The following DIAPH3 variants were observed in gnomAD, a reference collection of about 807,000 sequenced individuals.
DIAPH3 encodes diaphanous related formin 3, also known as protein diaphanous homolog 3.
DIAPH3 carries 117 observed loss-of-function variants against 144.3 expected under a neutral mutation model. The ratio of observed to expected loss-of-function variants is 0.81; its 90% CI spans 0.70 to 0.95. DIAPH3 has a LOEUF of 0.95. DIAPH3 is among the 40% of genes least tolerant of loss of function. DIAPH3 has a pLI of 0.00. For synonymous variants in DIAPH3, 519 were observed against 488.9 expected, an observed-to-expected ratio of 1.06 and a Z score of -0.81; for missense variants, 1,421 against 1,412.7, an observed-to-expected ratio of 1.01 and a Z score of -0.09.
At chr13:60,078,873 T>C (rs1207526814) in intron 4 of DIAPH3, among the ~76,000 whole-genome samples, 1 of 151,980 alleles carries the variant, frequency 6.6e-6, no homozygotes, top group East Asian at 1.9e-4. Context: ...AGACCTAAAA[T>C]ACAGGTGTTA....
intron 27 of DIAPH3, among the ~76,000 whole-genome samples, chr13:59,690,867 C>A (rs2033479991): frequency 6.6e-6 from 1 of 152,110 alleles, no homozygotes; most frequent in South Asian, 2.1e-4. Context: ...GCACTCATAT[C>A]TATCAGAGAG....
chr13:59,717,523 C>T (rs912035163), intron 27 of DIAPH3, among the ~76,000 whole-genome samples: 1 of 152,172 alleles, frequency 6.6e-6, no homozygotes, highest in African/African-American at 2.4e-5. Flanking sequence ...ACAGTCTGAC[C>T]ACTCACTCAG....
chr13:59,979,137 T>C (rs944734374), intron 14 of DIAPH3, among the ~76,000 whole-genome samples: 1 of 151,708 alleles, frequency 6.6e-6, no homozygotes, highest in African/African-American at 2.4e-5. Flanking sequence ...ACACATATAA[T>C]TTCTGACTAA....
At chr13:60,123,303 A>G (rs959611111) in intron 2 of DIAPH3, among the ~76,000 whole-genome samples, 1 of 152,146 alleles carries the variant, frequency 6.6e-6, no homozygotes, top group Non-Finnish European at 1.5e-5. Flanking sequence ...GACGACAGAG[A>G]CCTTCTTTTT....
rs533438401 is a variant in DIAPH3, at chr13:60,152,903, T to C, written c.180+10684A>G. Among the ~76,000 whole-genome samples, 4 of 152,174 alleles carry C rather than the reference T, an allele frequency of 2.6e-5. No individual in the cohort carries two copies. In the South Asian group the frequency reaches 6.2e-4, roughly 24 times the overall value. ...AACATTTGCCTGGTTCAGGTACACA[T>C]CTAATTTCTTAACTCAAGTCATCTC... On this transcript the variant is annotated intron_variant, in intron 1 of 27. Coordinates refer to ENST00000400324, the MANE Select transcript of DIAPH3 (RefSeq NM_001042517.2).
At chr13:59,950,323 GT>G (rs2049035108) in intron 17 of DIAPH3, among the ~76,000 whole-genome samples, 1 of 152,000 alleles carries the variant, frequency 6.6e-6, no homozygotes, top group South Asian at 2.1e-4. Context: ...AAGCCTACGT[GT>G]TTCCCCAAAC....
chr13:59,715,270 G>T (rs1295562177), intron 27 of DIAPH3, among the ~76,000 whole-genome samples: 1 of 152,134 alleles, frequency 6.6e-6, no homozygotes, highest in Non-Finnish European at 1.5e-5. Flanking sequence ...GCTTTGCAAA[G>T]TTCCCAGCAC....
At chr13:59,855,748 T>G (rs1384793739) in intron 22 of DIAPH3, among the ~76,000 whole-genome samples, 1 of 151,342 alleles carries the variant, frequency 6.6e-6, no homozygotes, top group African/African-American at 2.4e-5. Context: ...AAAAAAAAAG[T>G]AACATCATCC....
chr13:59,939,149 T>A (rs987796210), intron 17 of DIAPH3, among the ~76,000 whole-genome samples: 4 of 152,194 alleles, frequency 2.6e-5, no homozygotes, highest in African/African-American at 9.7e-5. Context: ...ACTGGGATCA[T>A]TTAAAATGTA....
chr13:59,815,391 A>G (rs1272535236), intron 24 of DIAPH3, among the ~76,000 whole-genome samples: 2 of 152,150 alleles, frequency 1.3e-5, no homozygotes, highest in Non-Finnish European at 2.9e-5. Flanking sequence ...ATTGAAAAGG[A>G]CTATAAGCAT....
chr13:59,848,067 G>A (rs1468794226), intron 22 of DIAPH3, among the ~76,000 whole-genome samples: 3 of 152,002 alleles, frequency 2.0e-5, no homozygotes, highest in South Asian at 2.1e-4. Context: ...AAATGCATTC[G>A]TTTTCCAAAT....
intron 27 of DIAPH3, among the ~76,000 whole-genome samples, chr13:59,755,184 T>A (rs765943530): frequency 6.6e-6 from 1 of 152,152 alleles, no homozygotes; most frequent in Non-Finnish European, 1.5e-5. Flanking sequence ...TATTTAGAAG[T>A]CACAGAACTT....
chr13:59,876,713 C>T (rs1017627586), intron 21 of DIAPH3, among the ~76,000 whole-genome samples: 5 of 152,144 alleles, frequency 3.3e-5, no homozygotes, highest in African/African-American at 1.2e-4. Flanking sequence ...GGCATAAGGA[C>T]ATGAGGAAGA....
chr13:59,818,159 G>C (rs1450072656), intron 24 of DIAPH3, among the ~76,000 whole-genome samples: 2 of 151,800 alleles, frequency 1.3e-5, no homozygotes, highest in Non-Finnish European at 2.9e-5. Context: ...TGTTACACGA[G>C]AGTTGCCACA....
rs892268901 is a variant in DIAPH3 at position 59,721,985 on chromosome 13, C to A, written c.3319+52204G>T. On this transcript the variant is annotated intron_variant, in intron 27 of 27. Transcript: ENST00000400324. ...TCAGAAGCTGGGCTTTACCTGCCAG[C>A]AAAAGCAAGATAAAAGCTTTTGAAT... Among the ~76,000 whole-genome samples, 3 of 152,144 alleles carry A rather than the reference C, an allele frequency of 2.0e-5. No individual in the cohort carries two copies. The East Asian group carries it at 5.8e-4, about 29-fold the overall frequency.
At chr13:59,926,045 G>A (rs1267446740) in intron 17 of DIAPH3, among the ~76,000 whole-genome samples, 2 of 152,142 alleles carry the variant, frequency 1.3e-5, no homozygotes, top group Non-Finnish European at 2.9e-5. Flanking sequence ...GAGTGCAGCA[G>A]CATAATCACA....
At chr13:60,160,223 CAAAAAAAGA>C (rs1043272754) in intron 1 of DIAPH3, among the ~76,000 whole-genome samples, 4 of 150,694 alleles carry the variant, frequency 2.7e-5, no homozygotes, top group Non-Finnish European at 5.9e-5. Context: ...GACTCCGTCT[CAAAAAAAGA>C]AAAAAAAGAA....
At chr13:59,748,169 T>G (rs2036797153) in intron 27 of DIAPH3, among the ~76,000 whole-genome samples, 1 of 152,190 alleles carries the variant, frequency 6.6e-6, no homozygotes, top group African/African-American at 2.4e-5. Context: ...TTGAATATTA[T>G]GTACTTGTAG....
intron 4 of DIAPH3, among the ~76,000 whole-genome samples, chr13:60,052,702 C>T: frequency 6.6e-6 from 1 of 151,752 alleles, no homozygotes; most frequent in East Asian, 1.9e-4. Context: ...TATACATAGA[C>T]TAAGGTTAAA....
Sources: gnomAD v4.1 joint callset for allele counts (sites outside exome capture counted in the v4.1 genomes callset) on GRCh38, gnomAD v4.1.1 for gene constraint, MANE v1.5 for transcripts, NCBI Gene and HGNC (gene_info 2026-07-23, HGNC 2026-07-21) for gene names.